SPATS2: variants seen among roughly 807,000 people sequenced by gnomAD.
SPATS2 encodes the protein spermatogenesis associated serine rich 2.
In SPATS2, 38 loss-of-function variants were observed where a neutral mutation model predicts 63.7. The observed-to-expected ratio is 0.60, with a 90% confidence interval of 0.46 to 0.78. The LOEUF (loss-of-function observed/expected upper bound fraction) is 0.78. Among genes scored for constraint, SPATS2 ranks in the 30% least tolerant of loss-of-function variants. SPATS2 has a pLI of 0.00. For synonymous variants in SPATS2, 207 were observed against 232.9 expected, an observed-to-expected ratio of 0.89 and a Z score of 1.01; for missense variants, 588 against 666.2, an observed-to-expected ratio of 0.88 and a Z score of 1.29.
chr12:49,522,696 G>A, intron 11 of SPATS2, 55 bp from the exon 12 acceptor site: 1 of 1,399,714 alleles, frequency 7.1e-7, no homozygotes, highest in Non-Finnish European at 1.0e-6. Flanking sequence ...GCAAGTTATA[G>A]ATTCCATGGA....
chr12:49,473,673 G>GT (rs1395650337), intron 3 of SPATS2, among the ~76,000 whole-genome samples: 3 of 152,206 alleles, frequency 2.0e-5, no homozygotes, highest in Non-Finnish European at 4.4e-5. Flanking sequence ...AGCAGGATAA[G>GT]TAAGTAATGG....
At chr12:49,395,930 T>C (rs1360617561) in intron 2 of SPATS2, among the ~76,000 whole-genome samples, 1 of 152,236 alleles carries the variant, frequency 6.6e-6, no homozygotes, top group Non-Finnish European at 1.5e-5. Context: ...TCCCAGCCCC[T>C]GGCAACCACC....
At chr12:49,369,249 G>A (rs1943958430) in intron 1 of SPATS2, among the ~76,000 whole-genome samples, 1 of 151,914 alleles carries the variant, frequency 6.6e-6, no homozygotes, top group Non-Finnish European at 1.5e-5. Flanking sequence ...GGCTGGTCTC[G>A]AACTCTTGAC....
At position 49,394,257 on chromosome 12, in the gene SPATS2, T is replaced by C. The variant is rs1247869149; in HGVS notation, c.-244+22967T>C. 3.3e-5 allele frequency among the ~76,000 whole-genome samples: 5 copies of C among 149,966 alleles called. 1 individual carries two copies. ...GGAGGCTGAGGTGGGAGGGATCCCT[T>C]GAGTTTAGGAGGCAGAGGTTGCAGT... On this transcript the variant is annotated intron_variant, in intron 2 of 13. Coordinates refer to ENST00000552918, the MANE Select transcript of SPATS2 (RefSeq NM_023071.4).
chr12:49,378,172 C>T (rs1944142616), intron 2 of SPATS2, among the ~76,000 whole-genome samples: 1 of 152,048 alleles, frequency 6.6e-6, no homozygotes, highest in Non-Finnish European at 1.5e-5. Context: ...GGGGTTTCAC[C>T]ATGTTGGCCA....
intron 2 of SPATS2, among the ~76,000 whole-genome samples, chr12:49,405,788 T>C (rs768310285): frequency 1.4e-4 from 21 of 152,140 alleles, no homozygotes; most frequent in Non-Finnish European, 2.5e-4. Context: ...ACAGGGCGAG[T>C]CCAAATAAAT....
In SPATS2 at chr12:49,494,735, C is replaced by T. The variant is rs773190985; in HGVS notation, c.265-6C>T. On this transcript the variant is annotated splice_polypyrimidine_tract_variant and splice_region_variant and intron_variant, in intron 6 of 13. Coordinates refer to ENST00000552918, the MANE Select transcript of SPATS2 (RefSeq NM_023071.4). ...CTTTTCTTTTTCAAATTTTTAATAA[C>T]TTTAGAACAAAAAGAAGAAAAACAA... 3 of 1,520,746 alleles carry T rather than the reference C, an allele frequency of 2.0e-6. No homozygotes were observed. In the African/African-American group the frequency reaches 4.2e-5, roughly 21 times the overall value. 94.2% of individuals were successfully genotyped at this position (1,520,746 alleles called of 1,614,324 possible). A position where few individuals can be genotyped will look rare whatever the true frequency, so the allele number is the denominator to read the frequency against.
intron 2 of SPATS2, among the ~76,000 whole-genome samples, chr12:49,376,918 A>G (rs920147269): frequency 2.0e-5 from 3 of 152,000 alleles, no homozygotes; most frequent in East Asian, 1.9e-4. Flanking sequence ...AGGTTTCACC[A>G]TCTTGGCCAG....
chr12:49,453,531 G>A (rs1404071635), intron 2 of SPATS2, among the ~76,000 whole-genome samples: 1 of 152,004 alleles, frequency 6.6e-6, no homozygotes, highest in Non-Finnish European at 1.5e-5. Flanking sequence ...ATCAATTTGG[G>A]CTGGGCTCAG....
In SPATS2 at chr12:49,458,851, T is replaced by C. The variant is rs553692445; in HGVS notation, c.-243-1919T>C. On this transcript the variant is annotated intron_variant, in intron 2 of 13. Coordinates refer to ENST00000552918, the MANE Select transcript of SPATS2 (RefSeq NM_023071.4). Reference sequence around the variant, plus strand: ...TTTAGTAATATAGAAAAACAGCATTTGTATCTTTGTAATTTAAAGGAGCTT... The same window carrying C: ...TTTAGTAATATAGAAAAACAGCATTCGTATCTTTGTAATTTAAAGGAGCTT... Among the ~76,000 whole-genome samples the C allele has an allele frequency of 7.9e-5, 12 of 152,252 alleles. No individual in the cohort carries two copies. The South Asian group carries it at 2.1e-3, about 26-fold the overall frequency.
chr12:49,489,399 G>C, intron 4 of SPATS2, 66 bp from the exon 5 acceptor site: 2 of 1,218,042 alleles, frequency 1.6e-6, no homozygotes, highest in Admixed American at 1.8e-5. Flanking sequence ...ATTATTCTCT[G>C]TATAGGCCTC....
chr12:49,436,275 A>T (rs1253157474), intron 2 of SPATS2, among the ~76,000 whole-genome samples: 2 of 145,632 alleles, frequency 1.4e-5, no homozygotes, highest in Non-Finnish European at 1.5e-5. Context: ...CGGGGGGCTG[A>T]CCTCCCCACC....
intron 1 of SPATS2, among the ~76,000 whole-genome samples, chr12:49,370,776 C>T (rs188911471): frequency 2.0e-5 from 3 of 152,000 alleles, no homozygotes; most frequent in Admixed American, 6.6e-5. Flanking sequence ...TTTGTTTACT[C>T]CCCCCCAACC....
chr12:49,520,489 C>T (rs1430892974), intron 11 of SPATS2, among the ~76,000 whole-genome samples: 1 of 152,120 alleles, frequency 6.6e-6, no homozygotes, highest in African/African-American at 2.4e-5. Flanking sequence ...GGTTTCAGAG[C>T]GTAGTTATGA....
In SPATS2 at chr12:49,500,147, G is replaced by C. The variant is rs1033564169; in HGVS notation, c.781G>C (p.Glu261Gln). 3 of 1,611,534 alleles carry C rather than the reference G, an allele frequency of 1.9e-6. No individual in the cohort carries two copies. Among genetic ancestry groups the C allele is most frequent in the Non-Finnish European group, 2.5e-6 (3 of 1,179,156 alleles). ...TGCACGGTATCGAGTTGTAGTTAAA[G>C]AAGAGATGGATGCCTCCATTAAGAA... ...SLARYRVVVK[E>Q]EMDASIKKMK... is the part of the protein sequence containing the mutation. The change falls in exon 9 of 14, where the codon GAA becomes CAA. Residue 261 changes from glutamate to glutamine, a missense_variant. Physicochemically the swap from Glu to Gln is conservative, Grantham distance 29. Coordinates refer to ENST00000552918, the MANE Select transcript of SPATS2 (RefSeq NM_023071.4).
At chr12:49,387,883 G>A (rs1452453854) in intron 2 of SPATS2, among the ~76,000 whole-genome samples, 2 of 152,094 alleles carry the variant, frequency 1.3e-5, no homozygotes, top group African/African-American at 4.8e-5. Context: ...GGTGTAAGGG[G>A]TTCTCTTTTG....
chr12:49,480,523 G>T (rs570420287), intron 3 of SPATS2, among the ~76,000 whole-genome samples: 13 of 152,036 alleles, frequency 8.6e-5, no homozygotes, highest in Non-Finnish European at 1.8e-4. Flanking sequence ...CTCTAAGAGG[G>T]CAGGAAACGT....
chr12:49,397,642 A>G (rs970709505), intron 2 of SPATS2, among the ~76,000 whole-genome samples: 1 of 151,948 alleles, frequency 6.6e-6, no homozygotes, highest in South Asian at 2.1e-4. Flanking sequence ...AACCTGGGTA[A>G]CATAACAAGA....
intron 2 of SPATS2, among the ~76,000 whole-genome samples, chr12:49,387,642 A>G (rs1235510385): frequency 2.7e-4 from 40 of 150,190 alleles, no homozygotes; most frequent in African/African-American, 2.0e-4. Flanking sequence ...CTGTCTCAAA[A>G]AAAAAAAAAA....
Sources: gnomAD v4.1 joint callset for allele counts (sites outside exome capture counted in the v4.1 genomes callset) on GRCh38, gnomAD v4.1.1 for gene constraint, MANE v1.5 for transcripts, NCBI Gene and HGNC (gene_info 2026-07-23, HGNC 2026-07-21) for gene names.